The following LEKR1 variants were observed in gnomAD, a reference collection of about 807,000 sequenced individuals.
LEKR1 encodes leucine, glutamate and lysine rich 1.
LEKR1 carries 59 observed loss-of-function variants against 72.4 expected under a neutral mutation model. The ratio of observed to expected loss-of-function variants is 0.82; its 90% CI spans 0.66 to 1.01. LEKR1 has a LOEUF of 1.01. LEKR1 is among the 50% of genes least tolerant of loss of function. LEKR1 has a pLI of 0.00. For synonymous variants in LEKR1, 257 were observed against 263.2 expected (o/e 0.98, Z 0.23); for missense variants, 728 against 759.2 (o/e 0.96, Z 0.48).
chr3:156,940,537 T>C (rs1205619658), intron 5 of LEKR1, among the ~76,000 whole-genome samples: 1 of 152,180 alleles, frequency 6.6e-6, no homozygotes. Flanking sequence ...AAGTATGGAA[T>C]TGTATAATGG....
intron 3 of LEKR1, among the ~76,000 whole-genome samples, chr3:156,917,317 G>A (rs1245673105): frequency 1.3e-5 from 2 of 152,058 alleles, no homozygotes; most frequent in East Asian, 3.9e-4. Context: ...AAATTGACAG[G>A]AAAGCATCAT....
At chr3:156,991,053 G>A (rs1272633791) in intron 7 of LEKR1, among the ~76,000 whole-genome samples, 1 of 152,100 alleles carries the variant, frequency 6.6e-6, no homozygotes, top group African/African-American at 2.4e-5. Flanking sequence ...TACAAAAATA[G>A]GGCAGTGGCA....
At chr3:157,012,744 T>C (rs1355712660) in intron 10 of LEKR1, among the ~76,000 whole-genome samples, 1 of 152,132 alleles carries the variant, frequency 6.6e-6, no homozygotes, top group Non-Finnish European at 1.5e-5. Flanking sequence ...AATGTTGCTA[T>C]TTGTGTCTCA....
intron 3 of LEKR1, among the ~76,000 whole-genome samples, chr3:156,873,700 C>A (rs1369620271): frequency 3.9e-5 from 6 of 151,982 alleles, no homozygotes; most frequent in African/African-American, 1.4e-4. Flanking sequence ...TGAATTCCCT[C>A]AGCTTTTGCA....
chr3:156,966,015 A>G (rs892502125), intron 6 of LEKR1, among the ~76,000 whole-genome samples: 8 of 152,226 alleles, frequency 5.3e-5, no homozygotes, highest in African/African-American at 1.7e-4. Flanking sequence ...CTGATTTTGT[A>G]TATTCAGGTC....
At chr3:156,891,930 T>C (rs1720704529) in intron 3 of LEKR1, among the ~76,000 whole-genome samples, 1 of 152,082 alleles carries the variant, frequency 6.6e-6, no homozygotes. Flanking sequence ...ATTGCAAGAC[T>C]GTACTCGTGG....
intron 6 of LEKR1, among the ~76,000 whole-genome samples, chr3:156,974,847 A>C (rs771084795): frequency 2.0e-4 from 31 of 152,192 alleles, no homozygotes; most frequent in Non-Finnish European, 4.4e-4. Context: ...AAGAAGAAAA[A>C]GACAATTAAC....
At chr3:157,033,933 A>G (rs1016520850) in intron 12 of LEKR1, among the ~76,000 whole-genome samples, 7 of 152,168 alleles carry the variant, frequency 4.6e-5, no homozygotes, top group Admixed American at 4.6e-4. Context: ...CTTAAGAATT[A>G]TGCTAAATCT....
At chr3:156,983,897 G>A (rs1730450328) in intron 7 of LEKR1, among the ~76,000 whole-genome samples, 1 of 152,052 alleles carries the variant, frequency 6.6e-6, no homozygotes, top group Non-Finnish European at 1.5e-5. Context: ...CACAACCAAA[G>A]ATTACTAGGT....
chr3:156,837,339 G>C (rs975944353), intron 2 of LEKR1, among the ~76,000 whole-genome samples: 3 of 152,192 alleles, frequency 2.0e-5, no homozygotes, highest in African/African-American at 7.2e-5. Flanking sequence ...AGAGTGTGCT[G>C]ACTCATCTCA....
At chr3:156,839,013 C>G (rs1291383358) in intron 2 of LEKR1, among the ~76,000 whole-genome samples, 1 of 152,010 alleles carries the variant, frequency 6.6e-6, no homozygotes, top group Non-Finnish European at 1.5e-5. Context: ...AACAAAAGTG[C>G]CCTATTCTGG....
At chr3:156,884,513 G>T (rs976502043) in intron 3 of LEKR1, among the ~76,000 whole-genome samples, 15 of 152,226 alleles carry the variant, frequency 9.9e-5, no homozygotes, top group African/African-American at 3.1e-4. Context: ...GACTGAAAAA[G>T]ACTTTCTCTG....
intron 12 of LEKR1, among the ~76,000 whole-genome samples, chr3:157,036,337 A>T (rs1734966596): frequency 6.6e-6 from 1 of 152,148 alleles, no homozygotes; most frequent in African/African-American, 2.4e-5. Flanking sequence ...GATGATAAAG[A>T]TGTGAAATCT....
intron 9 of LEKR1, among the ~76,000 whole-genome samples, chr3:156,995,077 ATGGGAAATCAACC>A (rs1731448827): frequency 1.3e-5 from 2 of 152,246 alleles, no homozygotes; most frequent in South Asian, 4.1e-4. Context: ...AGTGAATATG[ATGGGAAATCAACC>A]TGGGAAATAC....
chr3:156,902,962 CAA>C (rs1306833776), intron 3 of LEKR1, among the ~76,000 whole-genome samples: 2 of 151,924 alleles, frequency 1.3e-5, no homozygotes, highest in African/African-American at 2.4e-5. Context: ...TTTTTAATGA[CAA>C]ATATTACATT....
At chr3:156,990,407 C>A (rs1731061054) in intron 7 of LEKR1, among the ~76,000 whole-genome samples, 1 of 152,122 alleles carries the variant, frequency 6.6e-6, no homozygotes. Context: ...AATAAGAAGT[C>A]TAGAAGAGAC....
intron 12 of LEKR1, among the ~76,000 whole-genome samples, chr3:157,033,546 G>A (rs910851451): frequency 7.2e-5 from 11 of 152,102 alleles, no homozygotes; most frequent in African/African-American, 2.7e-4. Flanking sequence ...AAAGAGATGA[G>A]GAAGCTGCAG....
At chr3:156,996,552 A>G (rs961873026) in intron 9 of LEKR1, among the ~76,000 whole-genome samples, 1 of 152,228 alleles carries the variant, frequency 6.6e-6, no homozygotes, top group Non-Finnish European at 1.5e-5. Context: ...TAGAAAAATC[A>G]TTCTGGATGC....
At chr3:156,972,460 T>C (rs1399502995) in intron 6 of LEKR1, among the ~76,000 whole-genome samples, 1 of 152,088 alleles carries the variant, frequency 6.6e-6, no homozygotes, top group Non-Finnish European at 1.5e-5. Flanking sequence ...AACCTGCACG[T>C]TGTGCACATG....
Sources: allele counts gnomAD v4.1 joint callset (sites outside exome capture counted in the v4.1 genomes callset), GRCh38; gene constraint gnomAD v4.1.1; transcripts MANE v1.5; gene names NCBI Gene and HGNC (gene_info 2026-07-23, HGNC 2026-07-21).